Variants in MTMR8 observed in about 807,000 individuals in gnomAD.
MTMR8 encodes the protein myotubularin related protein 8.
In MTMR8, 65 loss-of-function variants were observed where a neutral mutation model predicts 39.3. That is an observed-to-expected ratio of 1.65 (90% CI 1.35 to 2.03). The LOEUF is 2.03. MTMR8 is among the 30% of genes most tolerant of loss of function. The pLI is 0.00. For missense variants in MTMR8, 777 were observed against 538.9 expected, an observed-to-expected ratio of 1.44 and a Z score of -4.37; for synonymous variants, 245 against 185.2, an observed-to-expected ratio of 1.32 and a Z score of -2.62.
chrX:64,370,157 G>T (rs1297507983), intron 1 of MTMR8, among the ~76,000 whole-genome samples: 1 of 110,846 alleles, frequency 9.0e-6, no homozygotes, highest in African/African-American at 3.3e-5. Flanking sequence ...TGAACTCAAT[G>T]CAATACACCT....
intron 1 of MTMR8, among the ~76,000 whole-genome samples, chrX:64,368,706 C>T (rs960763599): frequency 8.9e-6 from 1 of 111,827 alleles, no homozygotes; most frequent in Non-Finnish European, 1.9e-5. Context: ...TGGGCAAGGA[C>T]TTCAGGACTA....
intron 1 of MTMR8, among the ~76,000 whole-genome samples, chrX:64,365,358 G>A (rs1265676974): frequency 9.1e-6 from 1 of 110,332 alleles, no homozygotes; most frequent in Non-Finnish European, 1.9e-5. Context: ...GGCAGCCAGA[G>A]AGAAAGGTCA....
intron 12 of MTMR8, among the ~76,000 whole-genome samples, chrX:64,312,985 G>T (rs1466956588): frequency 2.7e-5 from 3 of 112,277 alleles, no homozygotes; most frequent in Non-Finnish European, 5.6e-5. Context: ...TATTTATAGA[G>T]CACAGGCAGA....
chrX:64,363,940 C>T (rs963136243), intron 1 of MTMR8, among the ~76,000 whole-genome samples: 2 of 112,467 alleles, frequency 1.8e-5, no homozygotes, highest in Non-Finnish European at 3.8e-5. Flanking sequence ...GATTATATCC[C>T]GTGCCTAGCT....
intron 2 of MTMR8, 40 bp from the exon 3 acceptor site, chrX:64,356,378 G>A (rs1482277052): frequency 8.9e-7 from 1 of 1,120,085 alleles, no homozygotes; most frequent in African/African-American, 1.8e-5. Context: ...ATACAGATGT[G>A]CAATATCTCT....
chrX:64,291,147 C>A (rs1173820989), intron 12 of MTMR8, among the ~76,000 whole-genome samples: 1 of 111,198 alleles, frequency 9.0e-6, no homozygotes, highest in African/African-American at 3.3e-5. Flanking sequence ...TTTTTCTTAG[C>A]AGGCTGGGAA....
intron 1 of MTMR8, among the ~76,000 whole-genome samples, chrX:64,378,320 C>A (rs767363374): frequency 2.1e-4 from 23 of 111,746 alleles, no homozygotes; most frequent in Non-Finnish European, 3.0e-4. Context: ...TCCTGGACTC[C>A]AGTGATTCTC....
At chrX:64,335,933 C>T (rs1923061525) in intron 10 of MTMR8, 146 bp downstream of exon 10, 1 of 403,975 alleles carries the variant, frequency 2.5e-6, no homozygotes, top group Non-Finnish European at 4.2e-6. Context: ...AGCATAGTAT[C>T]TAGAATACTT....
intron 1 of MTMR8, among the ~76,000 whole-genome samples, chrX:64,361,275 T>C (rs758279743): frequency 1.8e-5 from 2 of 111,359 alleles, no homozygotes; most frequent in South Asian, 7.5e-4. Context: ...CAAAATATAA[T>C]TAATTACTAC....
chrX:64,302,938 T>C (rs138651909), intron 12 of MTMR8, among the ~76,000 whole-genome samples: 31 of 112,352 alleles, frequency 2.8e-4, no homozygotes, highest in African/African-American at 9.4e-4. Context: ...CTCCTCCCCT[T>C]ATGGGTTGTG....
intron 12 of MTMR8, among the ~76,000 whole-genome samples, chrX:64,310,650 AG>A (rs1424384827): frequency 9.1e-6 from 1 of 109,621 alleles, no homozygotes; most frequent in Admixed American, 9.8e-5. Context: ...TCCGTCCCCT[AG>A]CCCCTCACCC....
chrX:64,316,649 A>C (rs1307111813), intron 12 of MTMR8, among the ~76,000 whole-genome samples: 1 of 111,729 alleles, frequency 9.0e-6, no homozygotes, highest in African/African-American at 3.3e-5. Context: ...CCCAGTCTCA[A>C]AAAAAGACTA....
chrX:64,316,329 T>A (rs1012988087), intron 12 of MTMR8, among the ~76,000 whole-genome samples: 3 of 112,190 alleles, frequency 2.7e-5, no homozygotes, highest in African/African-American at 9.7e-5. Flanking sequence ...TCTGAGAATA[T>A]CATCATTTCT....
chrX:64,289,636 C>CAAAAAAAAAAAAAAAAAAAAA (rs749879321), intron 12 of MTMR8, among the ~76,000 whole-genome samples: 24 of 26,416 alleles, frequency 9.1e-4, no homozygotes, highest in African/African-American at 2.5e-3. Flanking sequence ...GACTCCATCG[C>CAAAAAAAAAAAAAAAAAAAAA]AAAAAAAAAA....
At chrX:64,389,625 C>G (rs370516163) in intron 1 of MTMR8, among the ~76,000 whole-genome samples, 2 of 111,457 alleles carry the variant, frequency 1.8e-5, no homozygotes, top group Non-Finnish European at 3.8e-5. Flanking sequence ...GTACCAAGAG[C>G]CTTTCTGGAT....
chrX:64,337,512 T>A, intron 8 of MTMR8, 119 bp from the exon 9 acceptor site: 1 of 769,659 alleles, frequency 1.3e-6, no homozygotes, highest in Non-Finnish European at 1.9e-6. Flanking sequence ...GCTACATTAA[T>A]TTTTTCTCAT....
At chrX:64,269,097 G>C in intron 13 of MTMR8, 54 bp from the exon 14 acceptor site, 1 of 1,128,794 alleles carries the variant, frequency 8.9e-7, no homozygotes, top group Non-Finnish European at 1.2e-6. Flanking sequence ...AGAAAAACTA[G>C]GCAAACATTA....
intron 12 of MTMR8, among the ~76,000 whole-genome samples, chrX:64,302,426 G>T (rs746809302): frequency 4.5e-5 from 5 of 111,709 alleles, no homozygotes; most frequent in Non-Finnish European, 9.5e-5. Context: ...GCTTCGGCTC[G>T]CGGACGGTGC....
intron 4 of MTMR8, among the ~76,000 whole-genome samples, chrX:64,351,653 C>A (rs1246449103): frequency 9.0e-6 from 1 of 111,567 alleles, no homozygotes; most frequent in Non-Finnish European, 1.9e-5. Flanking sequence ...AGTAGGGAAG[C>A]CAACAGAGCA....
Sources: allele counts gnomAD v4.1 joint callset (sites outside exome capture counted in the v4.1 genomes callset), GRCh38; gene constraint gnomAD v4.1.1; transcripts MANE v1.5; gene names NCBI Gene and HGNC (gene_info 2026-07-23, HGNC 2026-07-21).